Variants in SNX31 observed in about 807,000 individuals in gnomAD.
The protein encoded by SNX31 is sorting nexin-31.
Under a neutral mutation model 65.4 loss-of-function variants are expected in SNX31, and 58 were observed. The observed-to-expected ratio is 0.89, with a 90% CI of 0.72 to 1.10. The LOEUF (loss-of-function observed/expected upper bound fraction) is 1.10. SNX31 is among the 50% of genes least tolerant of loss of function. The pLI is 0.00. For synonymous variants in SNX31, 181 were observed against 190.1 expected (o/e 0.95, Z 0.39); for missense variants, 523 against 529.7 (o/e 0.99, Z 0.12).
chr8:100,655,889 G>C (rs1315907367), intron 1 of SNX31, among the ~76,000 whole-genome samples: 2 of 152,166 alleles, frequency 1.3e-5, no homozygotes, highest in Non-Finnish European at 2.9e-5. Context: ...AGTGTGCAGG[G>C]AATGAGGGGG....
intron 11 of SNX31, 53 bp from the exon 12 acceptor site, chr8:100,584,241 T>G: frequency 4.1e-6 from 6 of 1,450,054 alleles, no homozygotes; most frequent in South Asian, 1.3e-5. Flanking sequence ...CTTCACTCTC[T>G]TTCTTCCCTC....
chr8:100,639,285 T>C (rs1241932956), intron 2 of SNX31, among the ~76,000 whole-genome samples: 1 of 152,216 alleles, frequency 6.6e-6, no homozygotes, highest in Non-Finnish European at 1.5e-5. Context: ...ATGTTACAAA[T>C]GTATGAAACC....
intron 8 of SNX31, 31 bp downstream of exon 8, chr8:100,608,463 C>A (rs369037496): frequency 3.1e-6 from 5 of 1,607,864 alleles, no homozygotes; most frequent in Admixed American, 1.7e-5. Context: ...CTATGATCTA[C>A]GGTGCTGTCT....
chr8:100,649,481 G>A lies in SNX31; in HGVS notation c.34C>T (p.Gln12Ter). ...CGGCCCCCCAGCGCGTCGGACCGCT[G>A]CTGGGACACCGGGATACAGAAATGC... ...KMHFCIPVSQ[Q>*]RSDALGGRYV... The change falls in exon 1 of 14, where the codon CAG becomes TAG. Residue 12 changes from glutamine to a stop codon, truncating the protein, a stop_gained. Coordinates refer to ENST00000311812, the MANE Select transcript of SNX31 (RefSeq NM_152628.4). LOFTEE classifies it high-confidence loss of function. 2.5e-6 allele frequency: 4 copies of A among 1,583,582 alleles called. No individual in the cohort carries two copies. The South Asian group carries it at 4.6e-5, about 18-fold the overall frequency.
chr8:100,659,025 T>C (rs773323245), intron 1 of SNX31, among the ~76,000 whole-genome samples: 1 of 152,018 alleles, frequency 6.6e-6, no homozygotes, highest in Non-Finnish European at 1.5e-5. Flanking sequence ...CAAAGCAGGA[T>C]CAAGAATTAA....
intron 3 of SNX31, among the ~76,000 whole-genome samples, chr8:100,634,931 G>A (rs991960696): frequency 8.0e-5 from 12 of 150,080 alleles, no homozygotes; most frequent in South Asian, 2.1e-4. Context: ...GGCATGGTGC[G>A]TTGCACATAT....
chr8:100,580,899 A>G (rs1351187751), intron 12 of SNX31, among the ~76,000 whole-genome samples: 1 of 152,162 alleles, frequency 6.6e-6, no homozygotes, highest in Non-Finnish European at 1.5e-5. Context: ...TTCTGCTCTA[A>G]TTAAGAGCAG....
rs1442169417 is a variant in SNX31, at chr8:100,648,360, G to A, written c.141+914C>T. 7.0e-6 allele frequency among the ~76,000 whole-genome samples: 1 copy of A among 143,544 alleles called. No homozygotes were observed. The highest frequency in any genetic ancestry group is 1.5e-5 in the Non-Finnish European group (1 of 66,912). The allele number at this position is 143,544 out of a possible 152,430, so 94.2% of individuals were successfully genotyped here. ...TTTTTTTAATAGAGACAAGGTCTCG[G>A]CTATGTTGCCCAGGCTGGTCTCAAA... On this transcript the variant is annotated intron_variant, in intron 2 of 13. Transcript: ENST00000311812. This position sits in a 1 kb window ranked among gnomAD's most constrained non-coding sequence, Gnocchi z 4.3.
At chr8:100,653,865 C>T (rs143989413), upstream of SNX31, among the ~76,000 whole-genome samples, 483 of 152,328 alleles carry the variant, frequency 3.2e-3, 1 homozygote, top group Admixed American at 4.9e-3. Flanking sequence ...CAGTGTCCTG[C>T]AATCTGAGGG....
Position 100,635,936 on chromosome 8 carries a change from C to T in SNX31, c.217G>A (p.Asp73Asn). 6.2e-7 allele frequency: 1 copy of T among 1,613,706 alleles called. No individual in the cohort carries two copies. The highest frequency in any genetic ancestry group is 8.5e-7 in the Non-Finnish European group (1 of 1,179,802). ...TGTTCCAGTTGGTCCCTCCTCTCAT[C>T]AGCCATAGCTGTGGTCATTGCCAGA... ...YYLAMTTAMADERRDQLEQYL... is the reference protein window; with the variant it reads ...YYLAMTTAMANERRDQLEQYL... Residue 73 changes from aspartate to asparagine, a missense_variant, in exon 3 of 14, where the codon GAT becomes AAT. By Grantham distance (23) the Asp-to-Asn change is conservative (BLOSUM62 1). Coordinates refer to ENST00000311812, the MANE Select transcript of SNX31 (RefSeq NM_152628.4).
chr8:100,639,060 A>G (rs10955233), intron 2 of SNX31, among the ~76,000 whole-genome samples: 72,085 of 151,554 alleles, frequency 0.48, 17,358 homozygotes, highest in African/African-American at 0.54. Flanking sequence ...AGGGAGGTAC[A>G]GAATAACTGA....
At chr8:100,589,327 A>G (rs1211686227) in intron 10 of SNX31, among the ~76,000 whole-genome samples, 3 of 151,880 alleles carry the variant, frequency 2.0e-5, no homozygotes, top group Non-Finnish European at 2.9e-5. Flanking sequence ...AAGCCCATTA[A>G]TGTGTTGGGC....
intron 4 of SNX31, among the ~76,000 whole-genome samples, chr8:100,620,252 T>C (rs1817589322): frequency 6.6e-6 from 1 of 152,182 alleles, no homozygotes; most frequent in African/African-American, 2.4e-5. Context: ...GGTGAGACCC[T>C]GTCTCCACCA....
chr8:100,646,143 C>T (rs1819619387), intron 2 of SNX31, among the ~76,000 whole-genome samples: 1 of 148,956 alleles, frequency 6.7e-6, no homozygotes. Context: ...TGACAAAAGG[C>T]AGATTCATAG....
At position 100,622,549 on chromosome 8, in the gene SNX31, G is replaced by T. The variant is rs981149896; in HGVS notation, c.322-4819C>A. ...GCCTGTAATCTCAGCTACTTGGGAG[G>T]CTGAGGCAGGAGAATCACTTGAACC... On this transcript the variant is annotated intron_variant, in intron 4 of 13. Transcript: ENST00000311812. This position sits in a 1 kb window ranked among gnomAD's most constrained non-coding sequence, Gnocchi z 5.0. 6.6e-6 allele frequency among the ~76,000 whole-genome samples: 1 copy of T among 152,098 alleles called. No homozygotes were observed. The highest frequency in any genetic ancestry group is 2.4e-5 in the African/African-American group (1 of 41,416).
At chr8:100,649,708 G>A, upstream of SNX31, 2 of 476,824 alleles carry the variant, frequency 4.2e-6, no homozygotes. Context: ...CCCAGTCCCC[G>A]CCCCATCCAG....
At chr8:100,642,606 TA>T (rs988873552) in intron 2 of SNX31, among the ~76,000 whole-genome samples, 1 of 152,098 alleles carries the variant, frequency 6.6e-6, no homozygotes, top group African/African-American at 2.4e-5. Flanking sequence ...ACAATGAACA[TA>T]AAGGAAACTG....
In SNX31 at chr8:100,630,314, A is replaced by C; in HGVS notation, c.321+13T>G. On this transcript the variant is annotated intron_variant, in intron 4 of 13. Transcript: ENST00000311812. This position sits in a 1 kb window ranked among gnomAD's most constrained non-coding sequence, Gnocchi z 5.3. ...AGAGGAATGATGGCCCCATTAAAGAAGAGCAAGCTTACCAGCTGCGCCAGT... is the reference window on the plus strand; with the variant it reads ...AGAGGAATGATGGCCCCATTAAAGACGAGCAAGCTTACCAGCTGCGCCAGT... 1 of 1,613,304 alleles carries C rather than the reference A, an allele frequency of 6.2e-7. No individual in the cohort carries two copies. Among genetic ancestry groups the C allele is most frequent in the South Asian group, 1.1e-5 (1 of 90,904 alleles).
At chr8:100,619,010 G>T (rs997956540) in intron 4 of SNX31, 1 of 152,138 alleles carries the variant, frequency 6.6e-6, no homozygotes, top group South Asian at 2.1e-4. Context: ...CCCTTCCCAA[G>T]AGGCCGAGAG....
Sources: gnomAD v4.1 joint callset for allele counts (sites outside exome capture counted in the v4.1 genomes callset) on GRCh38, gnomAD v4.1.1 for gene constraint, Gnocchi (gnomAD v3.1) non-coding constraint, MANE v1.5 for transcripts, NCBI Gene and HGNC (gene_info 2026-07-23, HGNC 2026-07-21) for gene names.